ADORA2A: variants seen among roughly 807,000 people sequenced by gnomAD.
ADORA2A encodes adenosine A2a receptor.
Under a neutral mutation model 18.4 loss-of-function variants are expected in ADORA2A, and 11 were observed. That is an observed-to-expected ratio of 0.60 (90% CI 0.38 to 0.99). The LOEUF (loss-of-function observed/expected upper bound fraction) is 0.99. ADORA2A is among the 50% of genes least tolerant of loss of function. The probability of loss-of-function intolerance (pLI) is 0.01; values close to 1 mark genes in which losing one functional copy is unlikely to be tolerated. For synonymous variants in ADORA2A, 218 were observed against 237.3 expected (o/e 0.92, Z 0.75); for missense variants, 449 against 556.1 (o/e 0.81, Z 1.94).
At chr22:24,437,961 G>A (rs145403522) in intron 2 of ADORA2A, among the ~76,000 whole-genome samples, 44 of 152,390 alleles carry the variant, frequency 2.9e-4, no homozygotes, top group East Asian at 1.9e-3. Flanking sequence ...GAATGTGGGC[G>A]ACAAGGTTTG....
intron 2 of ADORA2A, among the ~76,000 whole-genome samples, chr22:24,435,893 G>A (rs1392994647): frequency 6.6e-6 from 1 of 151,714 alleles, no homozygotes; most frequent in East Asian, 1.9e-4. Context: ...CTTCTGCAGG[G>A]GGCCCTGGAG....
chr22:24,433,336 G>A lies in ADORA2A; in HGVS notation c.-69G>A. 2 of 1,457,554 alleles carry A rather than the reference G, an allele frequency of 1.4e-6. No individual in the cohort carries two copies. The highest frequency in any genetic ancestry group is 1.9e-6 in the Non-Finnish European group (2 of 1,077,398). The allele number at this position is 1,457,554 out of a possible 1,614,324, so 90.3% of individuals were successfully genotyped here. A position where few individuals can be genotyped will look rare whatever the true frequency, so the allele number is the denominator to read the frequency against. ...CGGGCTGGGAGCCAGGCGGGCGGCT[G>A]GGCTGCAGCAATGGACCGTGAGCTG... is the stretch of plus-strand genomic sequence containing the variant. On this transcript the variant is annotated 5_prime_UTR_variant, in exon 2 of 3. Coordinates refer to ENST00000337539, the MANE Select transcript of ADORA2A (RefSeq NM_000675.6).
intron 2 of ADORA2A, among the ~76,000 whole-genome samples, chr22:24,435,390 G>A (rs1382150121): frequency 6.6e-6 from 1 of 152,226 alleles, no homozygotes; most frequent in African/African-American, 2.4e-5. Flanking sequence ...CTGATGGGAT[G>A]CTCTATGGGG....
intron 1 of ADORA2A, among the ~76,000 whole-genome samples, chr22:24,429,039 G>C (rs1022163520): frequency 6.6e-6 from 1 of 152,246 alleles, no homozygotes; most frequent in African/African-American, 2.4e-5. Flanking sequence ...CGTGCACTGT[G>C]TCCTGTATGT....
intron 1 of ADORA2A, 153 bp from the exon 2 acceptor site, chr22:24,432,978 G>A: frequency 4.3e-6 from 1 of 231,600 alleles, no homozygotes; most frequent in Non-Finnish European, 8.6e-6. Flanking sequence ...GCGGGGTCAG[G>A]GGCCATCCTC....
rs201808263 is a variant in ADORA2A at position 24,433,522 on chromosome 22, G to A, written c.118G>A (p.Val40Ile). Reference sequence around the variant, plus strand: ...GTGGCTCAACAGCAACCTGCAGAACGTCACCAACTACTTTGTGGTGTCACT... The same window carrying A: ...GTGGCTCAACAGCAACCTGCAGAACATCACCAACTACTTTGTGGTGTCACT... ...AVWLNSNLQN[V>I]TNYFVVSLAA... Residue 40 changes from valine (V) to isoleucine (I), a missense_variant, in exon 2 of 3, where the codon GTC (valine) becomes ATC (isoleucine). Coordinates refer to ENST00000337539, the MANE Select transcript of ADORA2A (RefSeq NM_000675.6). The A allele has an allele frequency of 7.7e-5, 124 of 1,614,214 alleles. 1 individual carries two copies. In the South Asian group the frequency reaches 9.7e-4, roughly 13 times the overall value.
At position 24,442,013 on chromosome 22, in the gene ADORA2A, G is replaced by A. The variant is rs1346945690; in HGVS notation, c.*524G>A. ...TTACCTTTCACTCTCTGGCTGCTGG[G>A]TCTGCCGTCGGTCCTGCTGCTAACC... On this transcript the variant is annotated 3_prime_UTR_variant, in exon 3 of 3. Transcript: ENST00000337539. 6.5e-6 allele frequency: 1 copy of A among 152,822 alleles called. No individual in the cohort carries two copies. The highest frequency in any genetic ancestry group is 1.5e-5 in the Non-Finnish European group (1 of 68,134). The allele number at this position is 152,822 out of a possible 1,614,324, so 9.5% of individuals were successfully genotyped here.
At chr22:24,429,780 C>T (rs931461103) in intron 1 of ADORA2A, 3 of 152,346 alleles carry the variant, frequency 2.0e-5, no homozygotes, top group African/African-American at 7.2e-5. Flanking sequence ...TCCCAAGCTC[C>T]TAAGCAGGCT....
intron 1 of ADORA2A, chr22:24,432,922 G>C (rs558946512): frequency 6.0e-6 from 1 of 167,220 alleles, no homozygotes; most frequent in Non-Finnish European, 1.3e-5. Context: ...CACCTCTCTC[G>C]CCTCCTGGCT....
chr22:24,438,770 G>A (rs1368325217), intron 2 of ADORA2A: 1 of 152,212 alleles, frequency 6.6e-6, no homozygotes, highest in African/African-American at 2.4e-5. Flanking sequence ...TGTAAAACAA[G>A]AGGATTGGAC....
At chr22:24,428,511 T>C (rs1226684380) in intron 1 of ADORA2A, among the ~76,000 whole-genome samples, 2 of 152,250 alleles carry the variant, frequency 1.3e-5, no homozygotes, top group Admixed American at 6.5e-5. Context: ...CCTTGTTTCA[T>C]TTCCGCCAGT....
chr22:24,425,953 G>C (rs929149484), upstream of ADORA2A, among the ~76,000 whole-genome samples: 6 of 152,248 alleles, frequency 3.9e-5, no homozygotes, highest in Non-Finnish European at 7.3e-5. Flanking sequence ...CAGAGGGCCG[G>C]TGAGGGGTGT....
chr22:24,429,032 G>A (rs533892215), intron 1 of ADORA2A, among the ~76,000 whole-genome samples: 6 of 152,386 alleles, frequency 3.9e-5, no homozygotes, highest in African/African-American at 1.4e-4. Flanking sequence ...CCGAGTCCGT[G>A]CACTGTGTCC....
At chr22:24,428,840 G>A (rs990861932) in intron 1 of ADORA2A, among the ~76,000 whole-genome samples, 9 of 152,196 alleles carry the variant, frequency 5.9e-5, no homozygotes, top group Non-Finnish European at 1.2e-4. Context: ...GAGGTCCCCT[G>A]CCATATGCTC....
intron 1 of ADORA2A, chr22:24,429,413 A>C (rs778532641): frequency 3.9e-5 from 6 of 152,284 alleles, no homozygotes; most frequent in African/African-American, 1.4e-4. Flanking sequence ...GGGTAATCAC[A>C]GAGAAGTATT....
chr22:24,438,896 G>A (rs998250685), intron 2 of ADORA2A: 1 of 151,954 alleles, frequency 6.6e-6, no homozygotes, highest in African/African-American at 2.4e-5. Flanking sequence ...AGCCCCACCT[G>A]AGATCTGGTA....
rs116001575 is a variant in ADORA2A at position 24,438,105 on chromosome 22, A to C, written c.333-2478A>C. ...AACTCACTATTGCCTGAGGCAGGCCATCTCTCCTGTGAACAGCTCAGCTGA... is the reference window on the plus strand; with the variant it reads ...AACTCACTATTGCCTGAGGCAGGCCCTCTCTCCTGTGAACAGCTCAGCTGA... On this transcript the variant is annotated intron_variant, in intron 2 of 2. Coordinates refer to ENST00000337539, the MANE Select transcript of ADORA2A (RefSeq NM_000675.6). 4.1e-3 allele frequency among the ~76,000 whole-genome samples: 621 copies of C among 152,346 alleles called. 7 individuals carry two copies. The highest frequency in any genetic ancestry group is 0.014 in the African/African-American group (581 of 41,566).
At chr22:24,426,678 C>T (rs1222676509), upstream of ADORA2A, among the ~76,000 whole-genome samples, 1 of 152,160 alleles carries the variant, frequency 6.6e-6, no homozygotes, top group African/African-American at 2.4e-5. Context: ...GCCTGGGCCC[C>T]TGCAGCCTGG....
chr22:24,438,416 G>A (rs1359467997), intron 2 of ADORA2A: 1 of 152,246 alleles, frequency 6.6e-6, no homozygotes, highest in Admixed American at 6.5e-5. Context: ...TAAGAACAGT[G>A]TCCGGCACAG....
Sources: allele counts gnomAD v4.1 joint callset (sites outside exome capture counted in the v4.1 genomes callset), GRCh38; gene constraint gnomAD v4.1.1; transcripts MANE v1.5; gene names NCBI Gene and HGNC (gene_info 2026-07-23, HGNC 2026-07-21).